The following ASTN2 variants were observed in gnomAD, a reference collection of about 807,000 sequenced individuals.
The protein encoded by ASTN2 is astrotactin 2.
ASTN2 carries 54 observed loss-of-function variants against 139.8 expected under a neutral mutation model. The ratio of observed to expected loss-of-function variants is 0.39; its 90% CI spans 0.31 to 0.48. The LOEUF is 0.48. Ranked by LOEUF, ASTN2 falls within the 20% of genes least tolerant of loss-of-function variation. The pLI is 0.95. For synonymous variants in ASTN2, 756 were observed against 719.5 expected, an observed-to-expected ratio of 1.05 and a Z score of -0.81; for missense variants, 1,565 against 1,725.1, an observed-to-expected ratio of 0.91 and a Z score of 1.64.
At chr9:117,391,081 G>T (rs1004910985) in intron 1 of ASTN2, among the ~76,000 whole-genome samples, 5 of 152,168 alleles carry the variant, frequency 3.3e-5, no homozygotes, top group African/African-American at 1.2e-4. Flanking sequence ...GGGTGGACTG[G>T]ACTAATTTTC....
chr9:116,938,986 C>T (rs1032145540), intron 10 of ASTN2, among the ~76,000 whole-genome samples: 1 of 152,174 alleles, frequency 6.6e-6, no homozygotes, highest in Admixed American at 6.5e-5. Context: ...TAGGACACTT[C>T]CTATTAGGGT....
chr9:116,726,206 C>T (rs374655949), intron 15 of ASTN2, among the ~76,000 whole-genome samples: 11 of 152,120 alleles, frequency 7.2e-5, no homozygotes, highest in Non-Finnish European at 1.5e-4. Flanking sequence ...AACTCAGCAA[C>T]GTAGACCATG....
At chr9:116,443,782 G>C (rs1847907168) in intron 20 of ASTN2, among the ~76,000 whole-genome samples, 1 of 152,134 alleles carries the variant, frequency 6.6e-6, no homozygotes, top group African/African-American at 2.4e-5. Context: ...TTTAAGGGTA[G>C]AGGCAGTAGT....
chr9:117,169,337 A>G (rs1467478072), intron 3 of ASTN2, among the ~76,000 whole-genome samples: 1 of 152,182 alleles, frequency 6.6e-6, no homozygotes, highest in Non-Finnish European at 1.5e-5. Context: ...ATAAATAAGT[A>G]AAACGCTTTA....
Position 117,182,011 on chromosome 9 carries a change from C to T in ASTN2, c.1015+32347G>A, listed in dbSNP as rs377661327. On this transcript the variant is annotated intron_variant, in intron 3 of 22. Transcript: ENST00000313400. The stretch of plus-strand genomic sequence containing the variant: ...CACCTTCCAGCTGTGAAATGGTGTC[C>T]CTGCTCAACTGGGCCCCAAAGCTGT... 5.3e-5 allele frequency among the ~76,000 whole-genome samples: 8 copies of T among 152,194 alleles called. No homozygotes were observed. In the East Asian group the frequency reaches 1.5e-3, roughly 29 times the overall value.
intron 17 of ASTN2, among the ~76,000 whole-genome samples, chr9:116,639,540 T>C (rs1187014101): frequency 6.6e-6 from 1 of 152,204 alleles, no homozygotes; most frequent in African/African-American, 2.4e-5. Flanking sequence ...TGAAGTTGCC[T>C]AATGACCTAA....
rs113617620 is a variant in ASTN2, at chr9:117,305,994, G to A, written c.443-14481C>T. Among the ~76,000 whole-genome samples the A allele has an allele frequency of 6.5e-3, 987 of 152,276 alleles. 17 individuals carry two copies. Among genetic ancestry groups the A allele is most frequent in the African/African-American group, 0.023 (940 of 41,558 alleles). The stretch of plus-strand genomic sequence containing the variant: ...ATATAGACATCATTTGAGATCACTT[G>A]CTTTGAAGCAACAGAGCCTGTCTTT... On this transcript the variant is annotated intron_variant, in intron 1 of 22. Transcript: ENST00000313400.
chr9:117,163,073 T>C (rs1427885519), intron 3 of ASTN2, among the ~76,000 whole-genome samples: 1 of 150,732 alleles, frequency 6.6e-6, no homozygotes, highest in African/African-American at 2.4e-5. Context: ...TACCTTTCTC[T>C]GCCAGGCTCC....
chr9:116,872,212 C>A lies in ASTN2; in HGVS notation c.1890-8479G>T, dbSNP rs117274078. Among the ~76,000 whole-genome samples the A allele has an allele frequency of 3.2e-3, 493 of 152,234 alleles. 1 individual carries two copies. Among genetic ancestry groups the A allele is most frequent in the Non-Finnish European group, 2.8e-3 (191 of 68,010 alleles). ...CTTCTGACCTCAGGTAATCCAGAGA[C>A]CTTGGGCAAGTCTCTTAAACCCTGA... is the stretch of plus-strand genomic sequence containing the variant. On this transcript the variant is annotated intron_variant, in intron 10 of 22. Coordinates refer to ENST00000313400, the MANE Select transcript of ASTN2 (RefSeq NM_001365068.1).
intron 19 of ASTN2, chr9:116,543,700 C>A (rs978917898): frequency 6.6e-6 from 1 of 152,164 alleles, no homozygotes; most frequent in Admixed American, 6.5e-5. Flanking sequence ...TCGTCCTCAT[C>A]CACAGATGGT....
intron 5 of ASTN2, among the ~76,000 whole-genome samples, chr9:117,065,789 T>C (rs981430922): frequency 1.7e-4 from 26 of 152,282 alleles, no homozygotes; most frequent in Admixed American, 4.6e-4. Context: ...TTGAAGTCTA[T>C]TAAAGAGACT....
chr9:117,021,086 T>G (rs1837865439), intron 6 of ASTN2, among the ~76,000 whole-genome samples: 1 of 152,098 alleles, frequency 6.6e-6, no homozygotes, highest in Non-Finnish European at 1.5e-5. Context: ...TTTTAAATTT[T>G]TTGTAGAGAT....
intron 17 of ASTN2, among the ~76,000 whole-genome samples, chr9:116,632,185 G>A (rs12348195): frequency 0.45 from 20,913 of 46,110 alleles, 4,921 homozygotes; most frequent in East Asian, 0.59. Context: ...AGAGAGAGAG[G>A]GAGAGAGAGA....
At chr9:117,209,506 C>T (rs1446991456) in intron 3 of ASTN2, among the ~76,000 whole-genome samples, 1 of 151,906 alleles carries the variant, frequency 6.6e-6, no homozygotes, top group African/African-American at 2.4e-5. Flanking sequence ...GAGAATATAA[C>T]AATTGTAAAT....
At chr9:116,870,119 C>T (rs1833122810) in intron 10 of ASTN2, among the ~76,000 whole-genome samples, 1 of 151,516 alleles carries the variant, frequency 6.6e-6, no homozygotes, top group Non-Finnish European at 1.5e-5. Context: ...CACAGTGAGA[C>T]CCTGTCTCAA....
intron 6 of ASTN2, 142 bp downstream of exon 6, chr9:117,039,677 A>G: frequency 1.3e-6 from 1 of 783,190 alleles, no homozygotes; most frequent in Non-Finnish European, 1.8e-6. Context: ...ATCCTCTTCC[A>G]AGGTCTTTAG....
At chr9:116,523,520 C>T (rs1056665177) in intron 19 of ASTN2, among the ~76,000 whole-genome samples, 1 of 152,160 alleles carries the variant, frequency 6.6e-6, no homozygotes, top group Admixed American at 6.6e-5. Context: ...TCCACTTCCT[C>T]AGCTTTCAAA....
chr9:116,989,351 GA>G (rs1179437208), intron 7 of ASTN2, among the ~76,000 whole-genome samples: 1 of 152,012 alleles, frequency 6.6e-6, no homozygotes, highest in East Asian at 1.9e-4. Flanking sequence ...AGGAATTTGA[GA>G]AAAAAGAAGA....
intron 3 of ASTN2, among the ~76,000 whole-genome samples, chr9:117,149,309 C>T (rs922710552): frequency 4.6e-5 from 7 of 152,144 alleles, no homozygotes; most frequent in South Asian, 4.1e-4. Context: ...TGAGCCACTA[C>T]ACCTGGCCTG....
Sources: gnomAD v4.1 joint callset for allele counts (sites outside exome capture counted in the v4.1 genomes callset) on GRCh38, gnomAD v4.1.1 for gene constraint, MANE v1.5 for transcripts, NCBI Gene and HGNC (gene_info 2026-07-23, HGNC 2026-07-21) for gene names.